The following VAV3 variants were observed in gnomAD, a reference collection of about 807,000 sequenced individuals.
VAV3 encodes the protein vav guanine nucleotide exchange factor 3, also known as guanine nucleotide exchange factor VAV3.
In VAV3, 94 loss-of-function variants were observed where a neutral mutation model predicts 131.2. The observed-to-expected ratio is 0.72, with a 90% CI of 0.61 to 0.85. The LOEUF (loss-of-function observed/expected upper bound fraction) is 0.85. Among genes scored for constraint, VAV3 ranks in the 40% least tolerant of loss-of-function variants. The probability of loss-of-function intolerance (pLI) is 0.00; values close to 1 mark genes in which losing one functional copy is unlikely to be tolerated. For missense variants in VAV3, 939 were observed against 1,002.7 expected (o/e 0.94, Z 0.86); for synonymous variants, 349 against 342.0 (o/e 1.02, Z -0.22).
intron 19 of VAV3, among the ~76,000 whole-genome samples, chr1:107,665,082 G>A (rs1657317546): frequency 6.6e-6 from 1 of 152,172 alleles, no homozygotes; most frequent in South Asian, 2.1e-4. Context: ...AGTAGGAGAG[G>A]CCATGCTGTC....
intron 2 of VAV3, among the ~76,000 whole-genome samples, chr1:107,818,202 G>A (rs548427047): frequency 2.0e-5 from 3 of 152,228 alleles, no homozygotes; most frequent in Non-Finnish European, 4.4e-5. Context: ...AGCAGATGAT[G>A]GACACACCCA....
At chr1:107,603,629 G>A (rs1222877324) in intron 22 of VAV3, among the ~76,000 whole-genome samples, 1 of 152,024 alleles carries the variant, frequency 6.6e-6, no homozygotes, top group Non-Finnish European at 1.5e-5. Flanking sequence ...TTTTTGTTAT[G>A]AGATTAATTC....
intron 1 of VAV3, among the ~76,000 whole-genome samples, chr1:107,904,484 T>C (rs1672012182): frequency 6.6e-6 from 1 of 152,224 alleles, no homozygotes; most frequent in South Asian, 2.1e-4. Flanking sequence ...TTATTTCTTT[T>C]CTTATTTGAC....
chr1:107,619,439 G>A (rs946469056), intron 20 of VAV3, among the ~76,000 whole-genome samples: 27 of 152,162 alleles, frequency 1.8e-4, no homozygotes, highest in Admixed American at 1.6e-3. Context: ...TCAGCAGGCA[G>A]TGAGATACAA....
chr1:107,634,282 C>A (rs1412482962), intron 20 of VAV3, among the ~76,000 whole-genome samples: 1 of 151,996 alleles, frequency 6.6e-6, no homozygotes, highest in Non-Finnish European at 1.5e-5. Flanking sequence ...TGAGATAGAC[C>A]AATGGAACAG....
intron 2 of VAV3, among the ~76,000 whole-genome samples, chr1:107,845,814 C>T: frequency 6.6e-6 from 1 of 152,116 alleles, no homozygotes; most frequent in East Asian, 1.9e-4. Flanking sequence ...AAGACCAAAC[C>T]TACATTTGAT....
At position 107,768,784 on chromosome 1, in the gene VAV3, T is replaced by C. The variant is rs72979688; in HGVS notation, c.649-275A>G. On this transcript the variant is annotated intron_variant, in intron 6 of 26. Transcript: ENST00000370056. ...TCCAAAAGGAAGGAAGAAAAGAACA[T>C]TATTGTCTGAGTTGCCAAAAAATGG... Among the ~76,000 whole-genome samples, 615 of 152,260 alleles carry C rather than the reference T, an allele frequency of 4.0e-3. 2 individuals carry two copies. Among genetic ancestry groups the C allele is most frequent in the African/African-American group, 0.014 (589 of 41,554 alleles).
intron 22 of VAV3, among the ~76,000 whole-genome samples, chr1:107,604,732 T>C (rs899628757): frequency 1.3e-5 from 2 of 152,196 alleles, no homozygotes; most frequent in Non-Finnish European, 2.9e-5. Flanking sequence ...GTGGCACTTA[T>C]CACAATTAGT....
chr1:107,765,142 C>T lies in VAV3; in HGVS notation c.855G>A (p.Val285=). ...LVIYGQYCSG[V]ESAISSLDYI... is the part of the protein sequence containing the mutation. Reference sequence around the variant, plus strand: ...AGTCTAAACTAGAGATGGCTGACTCCACTCCACTGCAGTACTGCCCGTAAA... The same window carrying T: ...AGTCTAAACTAGAGATGGCTGACTCTACTCCACTGCAGTACTGCCCGTAAA... Residue 285 remains valine, a synonymous_variant, in exon 9 of 27, where the codon GTG becomes GTA. Transcript: ENST00000370056. 6.2e-7 allele frequency: 1 copy of T among 1,613,362 alleles called. No homozygotes were observed. Among genetic ancestry groups the T allele is most frequent in the South Asian group, 1.1e-5 (1 of 91,046 alleles).
At position 107,708,440 on chromosome 1, in the gene VAV3, C is replaced by A. The variant is rs145028939; in HGVS notation, c.1503-3379G>T. Among the ~76,000 whole-genome samples the A allele has an allele frequency of 2.8e-3, 428 of 152,206 alleles. 3 individuals are homozygous for A. The highest frequency in any genetic ancestry group is 7.7e-3 in the Admixed American group (118 of 15,292). The stretch of plus-strand genomic sequence containing the variant: ...AATCTTGCAGATTAATCAAATGTTC[C>A]CATTTCTTTTGCTTCACATAGAACT... On this transcript the variant is annotated intron_variant, in intron 15 of 26. Transcript: ENST00000370056.
intron 2 of VAV3, among the ~76,000 whole-genome samples, chr1:107,822,108 G>C (rs1005931146): frequency 2.0e-5 from 3 of 152,144 alleles, no homozygotes. Context: ...AGGTGGGAGA[G>C]AGCAGCAGGC....
intron 15 of VAV3, among the ~76,000 whole-genome samples, chr1:107,724,348 C>T (rs17019795): frequency 0.1 from 15,754 of 151,264 alleles, 976 homozygotes; most frequent in East Asian, 0.25. Flanking sequence ...ATGATCTGTC[C>T]TTTCTCTGAA....
At chr1:107,737,363 A>C (rs140377065) in intron 15 of VAV3, among the ~76,000 whole-genome samples, 58,700 of 152,010 alleles carry the variant, frequency 0.39, 11,603 homozygotes, top group East Asian at 0.49. Context: ...ATGGGATCCA[A>C]TTAAACTAAA....
chr1:107,779,096 A>G (rs1665535787), intron 3 of VAV3, among the ~76,000 whole-genome samples: 1 of 152,042 alleles, frequency 6.6e-6, no homozygotes, highest in African/African-American at 2.4e-5. Flanking sequence ...ACAACATCTT[A>G]TAAATATTTA....
chr1:107,797,189 G>A (rs1357696470), intron 2 of VAV3, among the ~76,000 whole-genome samples: 1 of 152,170 alleles, frequency 6.6e-6, no homozygotes, highest in African/African-American at 2.4e-5. Context: ...AAACTATATA[G>A]TGTCAGAGAA....
chr1:107,955,458 G>A (rs957586176), intron 1 of VAV3, among the ~76,000 whole-genome samples: 6 of 151,916 alleles, frequency 3.9e-5, no homozygotes, highest in African/African-American at 1.5e-4. Flanking sequence ...ATATATAAAG[G>A]AACTAGCCTA....
chr1:107,738,087 G>C (rs1662777747), intron 15 of VAV3, among the ~76,000 whole-genome samples: 1 of 152,086 alleles, frequency 6.6e-6, no homozygotes, highest in Non-Finnish European at 1.5e-5. Context: ...CCATCATTCT[G>C]AGCAAACTAT....
chr1:107,771,485 C>A (rs1280694032), intron 5 of VAV3, among the ~76,000 whole-genome samples: 1 of 152,158 alleles, frequency 6.6e-6, no homozygotes, highest in Non-Finnish European at 1.5e-5. Context: ...GATCTCCTGA[C>A]CTCATGATCT....
At chr1:107,770,025 C>G (rs948245451) in intron 6 of VAV3, among the ~76,000 whole-genome samples, 8 of 152,162 alleles carry the variant, frequency 5.3e-5, no homozygotes, top group African/African-American at 1.7e-4. Flanking sequence ...CAACCCTTCC[C>G]AATGTCCTTG....
Sources: allele counts gnomAD v4.1 joint callset (sites outside exome capture counted in the v4.1 genomes callset), GRCh38; gene constraint gnomAD v4.1.1; transcripts MANE v1.5; gene names NCBI Gene and HGNC (gene_info 2026-07-23, HGNC 2026-07-21).